TMCO4: variants seen among roughly 807,000 people sequenced by gnomAD.
TMCO4 encodes the protein transmembrane and coiled-coil domains 4.
A neutral mutation model predicts 64.7 loss-of-function variants in TMCO4; 58 were observed. The observed-to-expected ratio is 0.90, with a 90% CI of 0.73 to 1.12. The LOEUF (loss-of-function observed/expected upper bound fraction) is 1.12, where lower values mean the gene tolerates loss of function less well. TMCO4 is among the 50% of genes most tolerant of loss of function. The probability of loss-of-function intolerance (pLI) is 0.00; values close to 1 mark genes in which losing one functional copy is unlikely to be tolerated. For synonymous variants in TMCO4, 325 were observed against 346.1 expected (o/e 0.94, Z 0.68); for missense variants, 780 against 825.9 (o/e 0.94, Z 0.68).
chr1:19,767,835 T>C (rs1340793073), intron 6 of TMCO4, among the ~76,000 whole-genome samples: 2 of 152,156 alleles, frequency 1.3e-5, no homozygotes, highest in Non-Finnish European at 2.9e-5. Flanking sequence ...CTCATGCCTG[T>C]AATCTCAACA....
At position 19,685,899 on chromosome 1, in the gene TMCO4, T is replaced by C. The variant is rs555671446; in HGVS notation, c.1501-2455A>G. On this transcript the variant is annotated intron_variant, in intron 15 of 15. Coordinates refer to ENST00000294543, the MANE Select transcript of TMCO4 (RefSeq NM_181719.7). ...CGCTACCATGCCCGGCTAATTTTTT[T>C]TGTATTTTTAGTAGAGACAGGGTTT... 3.3e-3 allele frequency among the ~76,000 whole-genome samples: 501 copies of C among 152,098 alleles called. 1 individual carries two copies. Among genetic ancestry groups the C allele is most frequent in the African/African-American group, 0.011 (473 of 41,490 alleles).
chr1:19,780,179 C>T (rs998129579), intron 4 of TMCO4, among the ~76,000 whole-genome samples: 1 of 152,200 alleles, frequency 6.6e-6, no homozygotes, highest in African/African-American at 2.4e-5. Flanking sequence ...AGGGTTTGAG[C>T]TTCTATGAGA....
chr1:19,765,532 A>G (rs1173215182), intron 6 of TMCO4, among the ~76,000 whole-genome samples: 2 of 151,350 alleles, frequency 1.3e-5, no homozygotes, highest in East Asian at 3.8e-4. Context: ...GATGTGGCTA[A>G]GCAGCCCATG....
Position 19,734,161 on chromosome 1 carries a change from A to C in TMCO4, c.1264+3211T>G, listed in dbSNP as rs2095442611. Among the ~76,000 whole-genome samples, 1 of 152,182 alleles carries C rather than the reference A, an allele frequency of 6.6e-6. No homozygotes were observed. Among genetic ancestry groups the C allele is most frequent in the South Asian group, 2.1e-4 (1 of 4,828 alleles). On this transcript the variant is annotated intron_variant, in intron 13 of 15. Transcript: ENST00000294543. The surrounding 1 kb of genome is among the most constrained non-coding windows in gnomAD (Gnocchi z 4.4). ...AAAAGGAGACAGAGAGGACGGACCAAGAGGGAACAATGGAAATAGAGCTTG... is the reference window on the plus strand; with the variant it reads ...AAAAGGAGACAGAGAGGACGGACCACGAGGGAACAATGGAAATAGAGCTTG...
intron 2 of TMCO4, among the ~76,000 whole-genome samples, chr1:19,791,199 T>C (rs986739576): frequency 3.9e-5 from 6 of 152,026 alleles, no homozygotes; most frequent in Non-Finnish European, 8.8e-5. Context: ...AAACAGCTAA[T>C]GCATGCTTGG....
chr1:19,699,080 C>T (rs955436125), intron 14 of TMCO4, among the ~76,000 whole-genome samples: 1 of 151,924 alleles, frequency 6.6e-6, no homozygotes, highest in Non-Finnish European at 1.5e-5. Context: ...CCTGTAGTCC[C>T]AGCTACTCGG....
chr1:19,722,805 C>A (rs945002057), intron 13 of TMCO4, among the ~76,000 whole-genome samples: 3 of 152,124 alleles, frequency 2.0e-5, no homozygotes, highest in East Asian at 3.9e-4. Flanking sequence ...CAAGCTCTGA[C>A]CCTGGGGCAA....
chr1:19,701,019 C>T, intron 13 of TMCO4, 134 bp from the exon 14 acceptor site: 4 of 700,666 alleles, frequency 5.7e-6, no homozygotes, highest in Non-Finnish European at 9.7e-6. Context: ...CAATCATGTG[C>T]AAATGTGCAT....
At chr1:19,745,696 C>T (rs113254177) in intron 9 of TMCO4, 45 bp from the exon 10 acceptor site, 2 of 1,565,592 alleles carry the variant, frequency 1.3e-6, no homozygotes, top group African/African-American at 2.7e-5. Flanking sequence ...GACTGGGGCC[C>T]CGGGGAACAT....
chr1:19,780,564 A>C lies in TMCO4; in HGVS notation c.179+16T>G, dbSNP rs759576480. 6.3e-7 allele frequency: 1 copy of C among 1,576,350 alleles called. No individual in the cohort carries two copies. The highest frequency in any genetic ancestry group is 1.2e-5 in the South Asian group (1 of 85,226). On this transcript the variant is annotated intron_variant, in intron 4 of 15. Transcript: ENST00000294543. ...GAAGAAGCATGACCTTCCCACTGCA[A>C]GACAGAAGAACTCACCTGTGTTCGG...
rs549743873 is a variant in TMCO4 at position 19,766,521 on chromosome 1, G to A, written c.382+4021C>T. Among the ~76,000 whole-genome samples the A allele has an allele frequency of 2.6e-5, 4 of 152,306 alleles. No individual in the cohort carries two copies. In the South Asian group the frequency reaches 8.3e-4, roughly 32 times the overall value. ...TCTCAAGAGACAGGATGAAAATCCAGGTTCCCTGACTCCAGGGTTTTCCCA... is the reference window on the plus strand; with the variant it reads ...TCTCAAGAGACAGGATGAAAATCCAAGTTCCCTGACTCCAGGGTTTTCCCA... On this transcript the variant is annotated intron_variant, in intron 6 of 15. Transcript: ENST00000294543.
At position 19,700,775 on chromosome 1, in the gene TMCO4, A is replaced by G. The variant is rs199915761; in HGVS notation, c.1375T>C (p.Tyr459His). Residue 459 changes from tyrosine to histidine, a missense_variant, in exon 14 of 16, where the codon TAC (tyrosine) becomes CAC (histidine). Transcript: ENST00000294543. Reference protein sequence around the residue: ...KVVSGRIINGYCRGDWLLSFV... With the variant: ...KVVSGRIINGHCRGDWLLSFV... ...CACGAGGTTTGGACAGACCTGCAGT[A>G]GCCGTTGATGATCCTCCCGGACACC... 84 of 1,614,108 alleles carry G rather than the reference A, an allele frequency of 5.2e-5. 1 individual carries two copies. In the African/African-American group the frequency reaches 8.8e-4, roughly 17 times the overall value.
At chr1:19,779,751 A>G (rs181149505) in intron 4 of TMCO4, among the ~76,000 whole-genome samples, 5 of 152,360 alleles carry the variant, frequency 3.3e-5, no homozygotes, top group African/African-American at 7.2e-5. Flanking sequence ...CACCCAGCAC[A>G]TAGTAGGGGC....
rs150401450 is a variant in TMCO4, at chr1:19,747,210, C to A, written c.566G>T (p.Arg189Leu). 1.2e-6 allele frequency: 2 copies of A among 1,614,064 alleles called. No individual in the cohort carries two copies. Among genetic ancestry groups the A allele is most frequent in the Non-Finnish European group, 1.7e-6 (2 of 1,179,968 alleles). ...AGTCGCCAGGCCTATCAGGAGATAA[C>A]GCTTCCATTTCCTCCGGTTTTCTTT... ...KKKENRRKWKRYLLIGLATVG... is the reference protein window; with the variant it reads ...KKKENRRKWKLYLLIGLATVG... The change falls in exon 8 of 16, where the codon CGT (arginine) becomes CTT (leucine). Residue 189 changes from arginine (R) to leucine (L), a missense_variant. Arg to Leu is a moderately radical substitution (Grantham distance 102). Coordinates refer to ENST00000294543, the MANE Select transcript of TMCO4 (RefSeq NM_181719.7).
chr1:19,733,973 A>G (rs995151941), intron 13 of TMCO4, among the ~76,000 whole-genome samples: 9 of 152,228 alleles, frequency 5.9e-5, no homozygotes, highest in African/African-American at 9.7e-5. Flanking sequence ...ACTCCATGAA[A>G]TAATACATAT....
intron 9 of TMCO4, among the ~76,000 whole-genome samples, chr1:19,746,027 C>A (rs547975328): frequency 6.6e-6 from 1 of 152,162 alleles, no homozygotes; most frequent in Non-Finnish European, 1.5e-5. Context: ...GGGGAGCAAA[C>A]TTCTCTTGGG....
intron 13 of TMCO4, among the ~76,000 whole-genome samples, chr1:19,717,597 A>G (rs1005281059): frequency 3.3e-5 from 5 of 152,120 alleles, no homozygotes; most frequent in Non-Finnish European, 2.9e-5. Flanking sequence ...GGCTGCAGTC[A>G]CTGGCCCTTC....
intron 4 of TMCO4, among the ~76,000 whole-genome samples, chr1:19,772,804 G>C (rs867261681): frequency 5.3e-5 from 8 of 152,314 alleles, no homozygotes; most frequent in South Asian, 2.1e-4. Flanking sequence ...GCAATGTCAG[G>C]AGCCCCCTGC....
In TMCO4 at chr1:19,734,864, G is replaced by C. The variant is rs1406138561; in HGVS notation, c.1264+2508C>G. Reference sequence around the variant, plus strand: ...TTTCTCATCTGAAGCAGGGAGACTGGTGGAACCTCCCTCCTGTGGCTGCAG... The same window carrying C: ...TTTCTCATCTGAAGCAGGGAGACTGCTGGAACCTCCCTCCTGTGGCTGCAG... On this transcript the variant is annotated intron_variant, in intron 13 of 15. Coordinates refer to ENST00000294543, the MANE Select transcript of TMCO4 (RefSeq NM_181719.7). This position sits in a 1 kb window ranked among gnomAD's most constrained non-coding sequence, Gnocchi z 4.4. 6.6e-6 allele frequency among the ~76,000 whole-genome samples: 1 copy of C among 152,168 alleles called. No homozygotes were observed. The highest frequency in any genetic ancestry group is 2.4e-5 in the African/African-American group (1 of 41,440).
Sources: gnomAD v4.1 joint callset for allele counts (sites outside exome capture counted in the v4.1 genomes callset) on GRCh38, gnomAD v4.1.1 for gene constraint, Gnocchi (gnomAD v3.1) non-coding constraint, MANE v1.5 for transcripts, NCBI Gene and HGNC (gene_info 2026-07-23, HGNC 2026-07-21) for gene names.